Variants in ZNF608 observed in about 807,000 individuals in gnomAD.
ZNF608 encodes the protein zinc finger protein 608.
A neutral mutation model predicts 109.0 loss-of-function variants in ZNF608; 12 were observed. The ratio of observed to expected loss-of-function variants is 0.11; its 90% CI spans 0.07 to 0.18. The LOEUF (loss-of-function observed/expected upper bound fraction) is 0.18. Among genes scored for constraint, ZNF608 ranks in the 10% least tolerant of loss-of-function variants. The probability of loss-of-function intolerance (pLI) is 1.00; values close to 1 mark genes in which losing one functional copy is unlikely to be tolerated. For missense variants in ZNF608, 1,707 were observed against 1,879.3 expected, an observed-to-expected ratio of 0.91 and a Z score of 1.70; for synonymous variants, 732 against 717.4, an observed-to-expected ratio of 1.02 and a Z score of -0.33.
chr5:124,746,075 G>T, intron 1 of ZNF608, 120 bp downstream of exon 1: 1 of 970,222 alleles, frequency 1.0e-6, no homozygotes, highest in Non-Finnish European at 1.2e-6. Context: ...GAGTGTGTTT[G>T]ACAAAGAGCA....
At chr5:124,705,386 CAGTGT>C (rs1378979308) in intron 2 of ZNF608, among the ~76,000 whole-genome samples, 1 of 152,156 alleles carries the variant, frequency 6.6e-6, no homozygotes, top group African/African-American at 2.4e-5. Context: ...CTCTAAGACT[CAGTGT>C]CTAGTTCTAA....
At chr5:124,699,706 T>C (rs1752978335) in intron 3 of ZNF608, among the ~76,000 whole-genome samples, 1 of 152,248 alleles carries the variant, frequency 6.6e-6, no homozygotes, top group Non-Finnish European at 1.5e-5. Context: ...CTTTGTTTTC[T>C]ACCTTGAAAC....
At position 124,668,460 on chromosome 5, in the gene ZNF608, G is replaced by T. The variant is rs570111570; in HGVS notation, c.1163-18763C>A. The stretch of plus-strand genomic sequence containing the variant: ...CTTGGAGATCACTTATTCCATATTT[G>T]TCCTCCTTATCAAGAAGGAAACTAG... On this transcript the variant is annotated intron_variant, in intron 3 of 9. Coordinates refer to ENST00000513986, the MANE Select transcript of ZNF608 (RefSeq NM_020747.3). Among the ~76,000 whole-genome samples the T allele has an allele frequency of 4.6e-5, 7 of 151,754 alleles. No homozygotes were observed. The South Asian group carries it at 1.5e-3, about 31-fold the overall frequency.
chr5:124,669,978 T>C (rs1165738017), intron 3 of ZNF608, among the ~76,000 whole-genome samples: 1 of 152,192 alleles, frequency 6.6e-6, no homozygotes, highest in Non-Finnish European at 1.5e-5. Flanking sequence ...GGGGACTGGG[T>C]TGCAGGTGGG....
intron 2 of ZNF608, among the ~76,000 whole-genome samples, chr5:124,711,564 T>C (rs369096437): frequency 1.3e-5 from 2 of 152,204 alleles, no homozygotes; most frequent in Non-Finnish European, 2.9e-5. Context: ...ACAGGAATCA[T>C]GTATTAACCC....
intron 3 of ZNF608, among the ~76,000 whole-genome samples, chr5:124,660,321 G>C (rs1256591038): frequency 6.6e-6 from 1 of 152,194 alleles, no homozygotes; most frequent in Non-Finnish European, 1.5e-5. Context: ...AGAGAAACCA[G>C]ACTCAGTTTC....
intron 3 of ZNF608, among the ~76,000 whole-genome samples, chr5:124,695,552 C>T (rs1260803715): frequency 6.7e-6 from 1 of 150,106 alleles, no homozygotes; most frequent in African/African-American, 2.5e-5. Flanking sequence ...ATTGCTTGAG[C>T]CCAGGGGTTC....
At chr5:124,669,658 A>AAC (rs56258363) in intron 3 of ZNF608, among the ~76,000 whole-genome samples, 8,520 of 148,210 alleles carry the variant, frequency 0.057, 563 homozygotes, top group African/African-American at 0.16. Flanking sequence ...AACACACACA[A>AAC]ACACACACAC....
chr5:124,656,928 C>T (rs940467375), intron 3 of ZNF608, among the ~76,000 whole-genome samples: 1 of 152,036 alleles, frequency 6.6e-6, no homozygotes, highest in Non-Finnish European at 1.5e-5. Flanking sequence ...CCATCACTGT[C>T]ACCTCCCCTG....
At position 124,702,501 on chromosome 5, in the gene ZNF608, G is replaced by T. The variant is rs200242592; in HGVS notation, c.907-1232C>A. Among the ~76,000 whole-genome samples, 14 of 147,564 alleles carry T rather than the reference G, an allele frequency of 9.5e-5. 1 individual carries two copies. In the East Asian group the frequency reaches 1.6e-3, roughly 17 times the overall value. ...AGTATATAGTCTTTGTTGGGTTTTG[G>T]TTTTTTTTTTTGAAAAGAAACAAAA... On this transcript the variant is annotated intron_variant, in intron 2 of 9. Transcript: ENST00000513986.
intron 3 of ZNF608, among the ~76,000 whole-genome samples, chr5:124,680,497 G>A (rs1223642545): frequency 6.6e-6 from 1 of 152,126 alleles, no homozygotes; most frequent in Admixed American, 6.5e-5. Context: ...ACTGATAAAA[G>A]CAAGAGAAAA....
Position 124,746,252 on chromosome 5 carries a change from C to A in ZNF608, c.-241G>T, listed in dbSNP as rs1170634753. On this transcript the variant is annotated 5_prime_UTR_variant, in exon 1 of 10. An upstream open reading frame in the 5' UTR gains an earlier in-frame stop. Transcript: ENST00000513986. ...AGCAAATCAAAATGCCTTTCCCACT[C>A]CACTCGGCAAACAAGCCTGTGCCTC... The A allele has an allele frequency of 1.0e-6, 1 of 985,298 alleles. No individual in the cohort carries two copies. Among genetic ancestry groups the A allele is most frequent in the Non-Finnish European group, 1.2e-6 (1 of 829,936 alleles). 61.0% of individuals were successfully genotyped at this position (985,298 alleles called of 1,614,324 possible).
At chr5:124,734,870 A>G (rs1203465362) in intron 2 of ZNF608, 1 of 152,234 alleles carries the variant, frequency 6.6e-6, no homozygotes, top group East Asian at 1.9e-4. Flanking sequence ...ACCGTTCCTT[A>G]GCCAAACATC....
At chr5:124,640,859 T>C (rs1381581944) in intron 8 of ZNF608, among the ~76,000 whole-genome samples, 1 of 152,178 alleles carries the variant, frequency 6.6e-6, no homozygotes, top group African/African-American at 2.4e-5. Context: ...AAGAGCAACT[T>C]AAAAGGCATG....
At chr5:124,687,648 G>C (rs1021670963) in intron 3 of ZNF608, among the ~76,000 whole-genome samples, 1 of 152,068 alleles carries the variant, frequency 6.6e-6, no homozygotes, top group Non-Finnish European at 1.5e-5. Context: ...TTGTGCCCAC[G>C]AGCCGAATTC....
chr5:124,647,686 T>C lies in ZNF608; in HGVS notation c.2698A>G (p.Ser900Gly). The C allele has an allele frequency of 6.2e-7, 1 of 1,614,182 alleles. No homozygotes were observed. Among genetic ancestry groups the C allele is most frequent in the Non-Finnish European group, 8.5e-7 (1 of 1,180,034 alleles). ...TDNAPSPSIG[S>G]ASRLECSTLV... ...GTGCTGCATTCCAGCCTCGAGGCGC[T>C]CCCTATGGAAGGGCTGGGAGCGTTG... Residue 900 changes from serine to glycine, a missense_variant, in exon 5 of 10, where the codon AGC (serine) becomes GGC (glycine). Physicochemically the swap from Ser to Gly is moderately conservative, Grantham distance 56. This residue lies in a region of ZNF608 where 1,073 missense variants were observed against 1,133.5 expected (regional missense o/e 0.95). Transcript: ENST00000513986.
intron 2 of ZNF608, among the ~76,000 whole-genome samples, chr5:124,721,858 C>T (rs1209282293): frequency 7.3e-6 from 1 of 137,778 alleles, no homozygotes; most frequent in Non-Finnish European, 1.5e-5. Context: ...AGGAGAATTG[C>T]TTGAACCAAG....
chr5:124,734,404 TAAAA>T (rs200484564), intron 2 of ZNF608, among the ~76,000 whole-genome samples: 1 of 151,940 alleles, frequency 6.6e-6, no homozygotes, highest in African/African-American at 2.4e-5. Flanking sequence ...ACATCTTTGT[TAAAA>T]AAAATCACTG....
chr5:124,734,379 T>C (rs778285467), intron 2 of ZNF608, among the ~76,000 whole-genome samples: 1 of 152,160 alleles, frequency 6.6e-6, no homozygotes, highest in Non-Finnish European at 1.5e-5. Flanking sequence ...TATTTACATA[T>C]AATCAGGGGG....
Sources: allele counts gnomAD v4.1 joint callset (sites outside exome capture counted in the v4.1 genomes callset), GRCh38; gene constraint gnomAD v4.1.1; regional missense constraint gnomAD v4.1.1; transcripts MANE v1.5; gene names NCBI Gene and HGNC (gene_info 2026-07-23, HGNC 2026-07-21).